Variants in BUB1B observed in about 807,000 individuals in gnomAD.
The protein encoded by BUB1B is mitotic checkpoint serine/threonine-protein kinase BUB1 beta.
A neutral mutation model predicts 137.7 loss-of-function variants in BUB1B; 86 were observed. The ratio of observed to expected loss-of-function variants is 0.62; its 90% CI spans 0.52 to 0.75. BUB1B has a LOEUF of 0.75. BUB1B is among the 30% of genes least tolerant of loss of function. The pLI is 0.00. For missense variants in BUB1B, 1,130 were observed against 1,236.9 expected (o/e 0.91, Z 1.30); for synonymous variants, 420 against 417.9 (o/e 1.00, Z -0.06).
At chr15:40,165,454 CA>C (rs2037085160) in intron 2 of BUB1B, among the ~76,000 whole-genome samples, 1 of 152,104 alleles carries the variant, frequency 6.6e-6, no homozygotes. Flanking sequence ...ACATTTTATA[CA>C]GGGGGCAGTG....
intron 20 of BUB1B, among the ~76,000 whole-genome samples, chr15:40,215,450 C>A (rs998659593): frequency 1.3e-5 from 2 of 151,072 alleles, no homozygotes; most frequent in Admixed American, 1.3e-4. Flanking sequence ...CCAGTCTGGG[C>A]AACAAGAGCA....
At chr15:40,162,190 G>T (rs2037049870) in intron 1 of BUB1B, among the ~76,000 whole-genome samples, 1 of 152,204 alleles carries the variant, frequency 6.6e-6, no homozygotes, top group African/African-American at 2.4e-5. Context: ...AAAGCTAGAG[G>T]TTCTATATCT....
At chr15:40,177,513 A>G (rs11858747) in intron 5 of BUB1B, among the ~76,000 whole-genome samples, 22,417 of 151,994 alleles carry the variant, frequency 0.15, 1,815 homozygotes, top group African/African-American at 0.18. Context: ...TTATACCTTG[A>G]TTTTTAAAAA....
At position 40,183,763 on chromosome 15, in the gene BUB1B, G is replaced by C. The variant is rs1566819827; in HGVS notation, c.631G>C (p.Glu211Gln). ...GCAAACTCTGTTGGCACTTGAGAAA[G>C]AAGAAGAGGAGGAAGTTTTTGAGTC... Reference protein sequence around the residue: ...SRQTLLALEKEEEEEVFESSV... With the variant: ...SRQTLLALEKQEEEEVFESSV... The change falls in exon 6 of 23, where the codon GAA becomes CAA. Residue 211 changes from glutamate (E) to glutamine (Q), a missense_variant. Physicochemically the swap from Glu to Gln is conservative, Grantham distance 29. Transcript: ENST00000287598. 1 of 1,614,014 alleles carries C rather than the reference G, an allele frequency of 6.2e-7. No individual in the cohort carries two copies. Among genetic ancestry groups the C allele is most frequent in the Non-Finnish European group, 8.5e-7 (1 of 1,179,956 alleles).
chr15:40,180,678 CTCGCTCTG>C (rs2037280895), intron 5 of BUB1B, among the ~76,000 whole-genome samples: 1 of 114,580 alleles, frequency 8.7e-6, no homozygotes, highest in South Asian at 3.0e-4. Context: ...GAGACGGAGT[CTCGCTCTG>C]TCGTCCGGGC....
intron 14 of BUB1B, among the ~76,000 whole-genome samples, chr15:40,205,081 G>A (rs2037621344): frequency 6.6e-6 from 1 of 151,666 alleles, no homozygotes; most frequent in Admixed American, 6.6e-5. Context: ...CGAGTAGCTG[G>A]GATTACAGGC....
At chr15:40,185,758 C>T (rs947088819) in intron 8 of BUB1B, 116 bp downstream of exon 8, 30 of 950,332 alleles carry the variant, frequency 3.2e-5, no homozygotes, top group South Asian at 1.6e-4. Context: ...CCAGGCCAGG[C>T]GCAGTAGCTC....
At chr15:40,168,621 T>C (rs1318354196) in intron 2 of BUB1B, among the ~76,000 whole-genome samples, 1 of 152,212 alleles carries the variant, frequency 6.6e-6, no homozygotes, top group Non-Finnish European at 1.5e-5. Flanking sequence ...TTCTGAAATC[T>C]TATATTTAAG....
chr15:40,214,288 G>A (rs1267342573), intron 20 of BUB1B, among the ~76,000 whole-genome samples: 2 of 152,180 alleles, frequency 1.3e-5, no homozygotes, highest in Admixed American at 6.5e-5. Flanking sequence ...TTCAAGGGGT[G>A]AGCACAGAGC....
intron 2 of BUB1B, chr15:40,166,494 C>T (rs1228325170): frequency 1.7e-5 from 5 of 297,848 alleles, no homozygotes; most frequent in South Asian, 5.3e-5. Flanking sequence ...TGCCTGCCAC[C>T]ACGCCCAGCT....
In BUB1B at chr15:40,170,693, TCAAGTGC is replaced by T. The variant is rs1566816135; in HGVS notation, c.384+15_384+21del. 6.2e-7 allele frequency: 1 copy of T among 1,611,962 alleles called. No homozygotes were observed. Among genetic ancestry groups the T allele is most frequent in the Non-Finnish European group, 8.5e-7 (1 of 1,178,388 alleles). The stretch of plus-strand genomic sequence containing the variant: ...TCTGGCTTAAATTAGTAAGTCTTTC[TCAAGTGC>T]CATCTGAGTTTTAAATATTAAACTA... On this transcript the variant is annotated intron_variant, in intron 4 of 22. Coordinates refer to ENST00000287598, the MANE Select transcript of BUB1B (RefSeq NM_001211.6).
chr15:40,193,057 C>G (rs1326648204), intron 8 of BUB1B, among the ~76,000 whole-genome samples: 1 of 151,970 alleles, frequency 6.6e-6, no homozygotes, highest in African/African-American at 2.4e-5. Context: ...ACTGTGTTGC[C>G]CAGCCTGGTC....
At position 40,220,933 on chromosome 15, in the gene BUB1B, ATACT is replaced by A. The variant is rs1374547599; in HGVS notation, c.*179_*182del. The A allele has an allele frequency of 2.3e-5, 16 of 690,194 alleles. No homozygotes were observed. The highest frequency in any genetic ancestry group is 4.1e-5 in the Non-Finnish European group (16 of 394,108). The allele number at this position is 690,194 out of a possible 1,614,324, so 42.8% of individuals were successfully genotyped here. A position where few individuals can be genotyped will look rare whatever the true frequency, so the allele number is the denominator to read the frequency against. On this transcript the variant is annotated 3_prime_UTR_variant, in exon 23 of 23. Transcript: ENST00000287598. Reference sequence around the variant, plus strand: ...TCACTGATATTTTTTATACAGTGATATACTTACTCATGGCCTTGTCTAACTTTTG... The same window carrying A: ...TCACTGATATTTTTTATACAGTGATATACTCATGGCCTTGTCTAACTTTTG...
chr15:40,176,926 C>G (rs185355191), intron 5 of BUB1B, among the ~76,000 whole-genome samples: 8 of 152,172 alleles, frequency 5.3e-5, no homozygotes, highest in African/African-American at 1.9e-4. Flanking sequence ...TTCACACCCC[C>G]CAAAAGAATT....
intron 12 of BUB1B, among the ~76,000 whole-genome samples, chr15:40,201,729 C>T (rs553523375): frequency 1.1e-4 from 17 of 152,284 alleles, no homozygotes; most frequent in South Asian, 6.2e-4. Flanking sequence ...TGCGGTGGCG[C>T]GATCTCAGCT....
intron 18 of BUB1B, among the ~76,000 whole-genome samples, chr15:40,211,203 A>G (rs1388846996): frequency 1.3e-5 from 2 of 151,640 alleles, no homozygotes; most frequent in Non-Finnish European, 2.9e-5. Context: ...CTAGGTTTTT[A>G]TTTCTATATT....
intron 3 of BUB1B, among the ~76,000 whole-genome samples, chr15:40,170,331 C>T (rs2037147475): frequency 6.6e-6 from 1 of 152,064 alleles, no homozygotes; most frequent in African/African-American, 2.4e-5. Context: ...TGAACTACAC[C>T]CTTCTATCCC....
intron 8 of BUB1B, among the ~76,000 whole-genome samples, chr15:40,186,734 T>A (rs11637268): frequency 6.6e-6 from 1 of 151,366 alleles, no homozygotes; most frequent in Non-Finnish European, 1.5e-5. Flanking sequence ...CGTGAGCCAC[T>A]GCGCCCAGCC....
intron 2 of BUB1B, chr15:40,166,338 TC>T (rs1294422607): frequency 8.7e-5 from 38 of 436,100 alleles, no homozygotes; most frequent in Admixed American, 2.6e-4. Flanking sequence ...TCTCTCTCTC[TC>T]TTTTTTTTTT....
Sources: gnomAD v4.1 joint callset for allele counts (sites outside exome capture counted in the v4.1 genomes callset) on GRCh38, gnomAD v4.1.1 for gene constraint, MANE v1.5 for transcripts, NCBI Gene and HGNC (gene_info 2026-07-23, HGNC 2026-07-21) for gene names.